SYT3: variants seen among roughly 807,000 people sequenced by gnomAD.
SYT3 encodes the protein synaptotagmin 3, also known as synaptotagmin-3.
SYT3 carries 25 observed loss-of-function variants against 50.6 expected under a neutral mutation model. That is an observed-to-expected ratio of 0.49 (90% CI 0.36 to 0.69). The LOEUF is 0.69. SYT3 is among the 30% of genes least tolerant of loss of function. The pLI, the probability that SYT3 is intolerant of heterozygous loss-of-function variation, is 0.00. For missense variants in SYT3, 589 were observed against 793.6 expected (o/e 0.74, Z 3.10); for synonymous variants, 323 against 353.9 (o/e 0.91, Z 0.98).
At chr19:50,656,130 G>C in the SYT3 span, 1 of 1,536,174 alleles carries the variant, frequency 6.5e-7, no homozygotes, top group Non-Finnish European at 8.7e-7. Context: ...CTCGTGAGTT[G>C]TCCCTGGCCC....
intron 3 of SYT3, among the ~76,000 whole-genome samples, chr19:50,636,387 A>C (rs981313151): frequency 5.3e-5 from 8 of 152,210 alleles, no homozygotes; most frequent in Non-Finnish European, 8.8e-5. Context: ...ACTATGCAGG[A>C]TTCAGTTCTG....
At chr19:50,649,916 C>A in the SYT3 span, 1 of 446,880 alleles carries the variant, frequency 2.2e-6, no homozygotes, top group Non-Finnish European at 4.5e-6. Flanking sequence ...TGGTGCCATC[C>A]TTCCACCTCC....
At position 50,625,233 on chromosome 19, in the gene SYT3, C is replaced by T. The variant is rs144438301; in HGVS notation, c.1636G>A (p.Gly546Ser). ...RVGPDAADPHGREHWAEMLAN... is the reference protein window; with the variant it reads ...RVGPDAADPHSREHWAEMLAN... ...AGCATCTCTGCCCAGTGCTCGCGGCCGTGCGGGTCGGCAGCGTCGGGGCCC... is the reference window on the plus strand; with the variant it reads ...AGCATCTCTGCCCAGTGCTCGCGGCTGTGCGGGTCGGCAGCGTCGGGGCCC... The change falls in exon 9 of 11, where the codon GGC becomes AGC. Residue 546 changes from glycine (G) to serine (S), a missense_variant. Physicochemically the swap from Gly to Ser is moderately conservative, Grantham distance 56. Around this residue, in one of 2 missense-constraint regions of SYT3, gnomAD observed 273 missense variants for 439.3 expected, o/e 0.62. Coordinates refer to ENST00000600079, the MANE Select transcript of SYT3 (RefSeq NM_001160329.2). The surrounding 1 kb of genome is among the most constrained non-coding windows in gnomAD (Gnocchi z 7.5). The T allele has an allele frequency of 6.3e-5, 100 of 1,583,688 alleles. No individual in the cohort carries two copies. Among genetic ancestry groups the T allele is most frequent in the East Asian group, 1.8e-4 (8 of 43,814 alleles).
intron 3 of SYT3, among the ~76,000 whole-genome samples, chr19:50,635,059 T>C (rs925749498): frequency 1.3e-5 from 2 of 152,104 alleles, no homozygotes; most frequent in African/African-American, 2.4e-5. Flanking sequence ...TACAGGCGCC[T>C]GCCACCATGC....
At chr19:50,645,189 C>G in the SYT3 span, among the ~76,000 whole-genome samples, 1 of 152,164 alleles carries the variant, frequency 6.6e-6, no homozygotes, top group Non-Finnish European at 1.5e-5. Context: ...GACAGTATTT[C>G]TGGAATTGGA....
At chr19:50,648,019 T>A in the SYT3 span, among the ~76,000 whole-genome samples, 2 of 152,150 alleles carry the variant, frequency 1.3e-5, no homozygotes, top group Non-Finnish European at 2.9e-5. Context: ...GACCTAAGCA[T>A]AAAAGGAAGT....
rs1263064920 is a variant in SYT3 at position 50,637,280 on chromosome 19, G to T, written c.132C>A (p.Pro44=). The T allele has an allele frequency of 6.2e-7, 1 of 1,613,418 alleles. No homozygotes were observed. Among genetic ancestry groups the T allele is most frequent in the East Asian group, 2.2e-5 (1 of 44,864 alleles). The change falls in exon 3 of 11, where the codon CCC becomes CCA. Residue 44 remains proline (P), a synonymous_variant. Transcript: ENST00000600079. This position sits in a 1 kb window ranked among gnomAD's most constrained non-coding sequence, Gnocchi z 4.9. The part of the protein sequence containing the change: ...QEFNDRIRGY[P]RGPDADISVS... ...GGTGCTGACCTGCATCTGGACCCCGGGGATAGCCTCGGATTCGGTCATTGA... is the reference window on the plus strand; with the variant it reads ...GGTGCTGACCTGCATCTGGACCCCGTGGATAGCCTCGGATTCGGTCATTGA...
intron 3 of SYT3, among the ~76,000 whole-genome samples, chr19:50,633,066 C>T (rs1197634237): frequency 6.6e-6 from 1 of 152,174 alleles, no homozygotes; most frequent in Non-Finnish European, 1.5e-5. Context: ...ACTGCACCCT[C>T]GAACTCTTGG....
chr19:50,647,646 G>C, the SYT3 span, among the ~76,000 whole-genome samples: 1 of 152,096 alleles, frequency 6.6e-6, no homozygotes, highest in African/African-American at 2.4e-5. Flanking sequence ...CAGCCTGGGG[G>C]ACACAGTGAG....
intron 4 of SYT3, among the ~76,000 whole-genome samples, chr19:50,631,523 G>A (rs759031346): frequency 6.6e-6 from 1 of 152,050 alleles, no homozygotes; most frequent in Non-Finnish European, 1.5e-5. Flanking sequence ...TTGGTGCCCT[G>A]GCTGTCCCCT....
intron 3 of SYT3, among the ~76,000 whole-genome samples, chr19:50,634,570 T>G (rs1599819531): frequency 8.6e-5 from 10 of 116,476 alleles, no homozygotes; most frequent in African/African-American, 1.3e-4. Flanking sequence ...CCTCTTGGGG[T>G]GCTTTTTTTT....
In SYT3 at chr19:50,637,358, C is replaced by T. The variant is rs143593640; in HGVS notation, c.54G>A (p.Ser18=). The change falls in exon 3 of 11, where the codon TCG becomes TCA. Residue 18 remains serine, a synonymous_variant. Transcript: ENST00000600079. The surrounding 1 kb of genome is among the most constrained non-coding windows in gnomAD (Gnocchi z 4.9). ...CATCTCGGACCCGCGCACAGAGGTC[C>T]GAGACCAGGATGAGTGCCCGCCGGC... ...DLCRRALILV[S]DLCARVRDAD... The T allele has an allele frequency of 3.2e-5, 52 of 1,611,326 alleles. No homozygotes were observed. Among genetic ancestry groups the T allele is most frequent in the South Asian group, 2.0e-4 (18 of 91,054 alleles).
At chr19:50,636,230 C>A (rs1462591374) in intron 3 of SYT3, among the ~76,000 whole-genome samples, 1 of 152,046 alleles carries the variant, frequency 6.6e-6, no homozygotes, top group Non-Finnish European at 1.5e-5. Context: ...TACACTCCAG[C>A]CTGGGCAACA....
At position 50,625,659 on chromosome 19, in the gene SYT3, G is replaced by A. The variant is rs1427899663; in HGVS notation, c.1403-95C>T. On this transcript the variant is annotated intron_variant, in intron 7 of 10. Transcript: ENST00000600079. This position sits in a 1 kb window ranked among gnomAD's most constrained non-coding sequence, Gnocchi z 7.5. ...CCGAGCCCCTCCTCCCTCAGACCCA[G>A]AGGTCCGGGGCCCCAGGCCCCCAGT... 4.8e-6 allele frequency: 7 copies of A among 1,460,958 alleles called. No individual in the cohort carries two copies. Among genetic ancestry groups the A allele is most frequent in the Non-Finnish European group, 6.3e-6 (7 of 1,103,084 alleles). The allele number at this position is 1,460,958 out of a possible 1,614,324, so 90.5% of individuals were successfully genotyped here.
chr19:50,643,744 C>T (rs985863097), upstream of SYT3, among the ~76,000 whole-genome samples: 9 of 151,422 alleles, frequency 5.9e-5, no homozygotes, highest in Non-Finnish European at 1.3e-4. Context: ...CATCTGGGAA[C>T]AAAATAGACT....
chr19:50,658,072 C>A, the SYT3 span: 4 of 1,535,944 alleles, frequency 2.6e-6, no homozygotes, highest in Non-Finnish European at 3.5e-6. Context: ...GGCGCGTGAG[C>A]AGCATCCGCT....
At chr19:50,630,553 A>G (rs1984265785) in intron 4 of SYT3, among the ~76,000 whole-genome samples, 1 of 151,896 alleles carries the variant, frequency 6.6e-6, no homozygotes, top group Non-Finnish European at 1.5e-5. Flanking sequence ...CTCCCGAGTA[A>G]CTGGGATTAC....
At chr19:50,644,410 T>C (rs1984729240), upstream of SYT3, among the ~76,000 whole-genome samples, 1 of 147,306 alleles carries the variant, frequency 6.8e-6, no homozygotes, top group African/African-American at 2.5e-5. Flanking sequence ...AGAGTTAGAG[T>C]GGGGATGGAT....
intron 4 of SYT3, among the ~76,000 whole-genome samples, chr19:50,630,404 CCCTT>C (rs1984259961): frequency 7.0e-6 from 1 of 142,036 alleles, no homozygotes; most frequent in Admixed American, 7.0e-5. Context: ...CTCCCTCCCT[CCCTT>C]CTTTCCTTCC....
Sources: gnomAD v4.1 joint callset for allele counts (sites outside exome capture counted in the v4.1 genomes callset) on GRCh38, gnomAD v4.1.1 for gene constraint, gnomAD v4.1.1 regional missense constraint, Gnocchi (gnomAD v3.1) non-coding constraint, MANE v1.5 for transcripts, NCBI Gene and HGNC (gene_info 2026-07-23, HGNC 2026-07-21) for gene names.